LRRIQ4: variants seen among roughly 807,000 people sequenced by gnomAD.
LRRIQ4 encodes the protein leucine-rich repeat and IQ domain-containing protein 4.
Under a neutral mutation model 40.1 loss-of-function variants are expected in LRRIQ4, and 21 were observed. The ratio of observed to expected loss-of-function variants is 0.52; its 90% CI spans 0.37 to 0.75. LRRIQ4 has a LOEUF of 0.75. Among genes scored for constraint, LRRIQ4 ranks in the 30% least tolerant of loss-of-function variants. LRRIQ4 has a pLI of 0.00. For missense variants in LRRIQ4, 655 were observed against 660.0 expected (o/e 0.99, Z 0.08); for synonymous variants, 277 against 277.1 (o/e 1.00, Z 0.00).
Position 169,821,877 on chromosome 3 carries a change from T to C in LRRIQ4, c.-31-14T>C. 1 of 1,308,272 alleles carries C rather than the reference T, an allele frequency of 7.6e-7. No individual in the cohort carries two copies. Among genetic ancestry groups the C allele is most frequent in the East Asian group, 2.7e-5 (1 of 37,622 alleles). 81.0% of individuals were successfully genotyped at this position (1,308,272 alleles called of 1,614,324 possible). ...TAAATTCTATTTTTTTTCATCCTTT[T>C]CACAATATTTCAGATTTTGAATATT... On this transcript the variant is annotated splice_polypyrimidine_tract_variant and intron_variant, in intron 1 of 5. Transcript: ENST00000340806.
rs28582204 is a variant in LRRIQ4 at position 169,832,919 on chromosome 3, A to G, written c.1334-68A>G. 3.1e-3 allele frequency: 4,240 copies of G among 1,357,336 alleles called. 115 individuals are homozygous for G. The African/African-American group carries it at 0.055, about 18-fold the overall frequency. 84.1% of individuals were successfully genotyped at this position (1,357,336 alleles called of 1,614,324 possible). ...AATTGGATCCCTCACCTATGTGGAC[A>G]GGATTAGGTGACAAGTTAATATTGT... is the stretch of plus-strand genomic sequence containing the variant. On this transcript the variant is annotated intron_variant, in intron 4 of 5. Transcript: ENST00000340806.
In LRRIQ4 at chr3:169,837,772, A is replaced by G; in HGVS notation, c.*141A>G. ...AATAAATGATTCTTACTTTTACTGAAATATTTATGGATAAAATGATATAAC... is the reference window on the plus strand; with the variant it reads ...AATAAATGATTCTTACTTTTACTGAGATATTTATGGATAAAATGATATAAC... On this transcript the variant is annotated 3_prime_UTR_variant, in exon 6 of 6. Transcript: ENST00000340806. The G allele has an allele frequency of 1.3e-6, 1 of 745,786 alleles. No homozygotes were observed. Among genetic ancestry groups the G allele is most frequent in the South Asian group, 2.2e-5 (1 of 46,474 alleles). The allele number at this position is 745,786 out of a possible 1,614,324, so 46.2% of individuals were successfully genotyped here.
intron 1 of LRRIQ4, 58 bp from the exon 2 acceptor site, chr3:169,821,833 T>C (rs1336765538): frequency 1.2e-6 from 1 of 858,128 alleles, no homozygotes; most frequent in East Asian, 2.9e-5. Context: ...TTCTTAAGGA[T>C]AGCAAGTCTG....
chr3:169,824,445 C>T (rs12696308), intron 2 of LRRIQ4, among the ~76,000 whole-genome samples: 2,542 of 151,950 alleles, frequency 0.017, 72 homozygotes, highest in African/African-American at 0.058. Context: ...CAGTTGGGCA[C>T]GCGTGGGTTT....
chr3:169,837,105 T>C (rs1403428041), intron 5 of LRRIQ4, among the ~76,000 whole-genome samples: 2 of 152,154 alleles, frequency 1.3e-5, no homozygotes, highest in African/African-American at 4.8e-5. Context: ...GCGTAGGCAC[T>C]CAGATCCCCT....
chr3:169,836,958 ATGGGGAGCCAC>A (rs1373367966), intron 5 of LRRIQ4, among the ~76,000 whole-genome samples: 1 of 152,170 alleles, frequency 6.6e-6, no homozygotes, highest in Non-Finnish European at 1.5e-5. Flanking sequence ...TCAGAGAGAA[ATGGGGAGCCAC>A]TGGACAAGTC....
intron 4 of LRRIQ4, among the ~76,000 whole-genome samples, chr3:169,831,042 G>A (rs897792426): frequency 4.6e-5 from 7 of 152,016 alleles, no homozygotes; most frequent in African/African-American, 1.7e-4. Context: ...AAATTAGCAG[G>A]AGACTTTCTT....
chr3:169,827,606 CAAAAAAAAA>C (rs59524627), intron 2 of LRRIQ4, among the ~76,000 whole-genome samples: 6 of 77,524 alleles, frequency 7.7e-5, no homozygotes, highest in African/African-American at 2.2e-4. Flanking sequence ...GACTCCGTCT[CAAAAAAAAA>C]AAAAAAAAAA....
intron 1 of LRRIQ4, 42 bp from the exon 2 acceptor site, chr3:169,821,849 A>T: frequency 9.7e-7 from 1 of 1,034,000 alleles, no homozygotes; most frequent in Non-Finnish European, 1.3e-6. Flanking sequence ...GTCTGGTGGC[A>T]GGTAAATTCT....
intron 2 of LRRIQ4, among the ~76,000 whole-genome samples, chr3:169,827,556 G>C (rs9865611): frequency 0.016 from 2,274 of 141,288 alleles, 58 homozygotes; most frequent in African/African-American, 0.058. Flanking sequence ...GCAGTGAGCC[G>C]AGATCGCGCC....
Position 169,820,377 on chromosome 3 carries a change from T to G in LRRIQ4, c.-31-1514T>G, listed in dbSNP as rs376386299. Among the ~76,000 whole-genome samples, 489 of 152,162 alleles carry G rather than the reference T, an allele frequency of 3.2e-3. 3 individuals carry two copies. The highest frequency in any genetic ancestry group is 0.011 in the African/African-American group (439 of 41,500). On this transcript the variant is annotated intron_variant, in intron 1 of 5. Transcript: ENST00000340806. ...AGCCTAGTAGTGTAAGTCTGCTGAT[T>G]TTGTTTTCACTAAAGATTATCTTTA... is the stretch of plus-strand genomic sequence containing the variant.
rs143961702 is a variant in LRRIQ4 at position 169,817,739 on chromosome 3, G to C, written c.-31-4152G>C. 4.2e-3 allele frequency among the ~76,000 whole-genome samples: 640 copies of C among 152,070 alleles called. 4 individuals are homozygous for C. The highest frequency in any genetic ancestry group is 0.014 in the African/African-American group (590 of 41,454). Reference sequence around the variant, plus strand: ...TCGAAATCTATTTTGTCTGATATATGTATAGCTACTCCTGCTCTTTTTTGT... The same window carrying C: ...TCGAAATCTATTTTGTCTGATATATCTATAGCTACTCCTGCTCTTTTTTGT... On this transcript the variant is annotated intron_variant, in intron 1 of 5. Transcript: ENST00000340806.
At chr3:169,825,086 C>T (rs1780011554) in intron 2 of LRRIQ4, among the ~76,000 whole-genome samples, 1 of 150,634 alleles carries the variant, frequency 6.6e-6, no homozygotes. Context: ...CAGCTCACTG[C>T]AACCTCCACC....
intron 4 of LRRIQ4, among the ~76,000 whole-genome samples, chr3:169,831,261 CTT>C (rs869088396): frequency 4.2e-4 from 14 of 33,460 alleles, no homozygotes; most frequent in African/African-American, 1.0e-3. Flanking sequence ...TATGGCTATT[CTT>C]TTTTTTTTTT....
rs748623050 is a variant in LRRIQ4 at position 169,822,047 on chromosome 3, G to A, written c.126G>A (p.Leu42=). ...ASNQSLTAIP[L]EIFTFTELEE... ...ATCAGAGCTTGACTGCCATTCCTTT[G>A]GAGATCTTCACATTCACAGAATTAG... The change falls in exon 2 of 6, where the codon TTG becomes TTA. Residue 42 remains leucine, a synonymous_variant. Coordinates refer to ENST00000340806, the MANE Select transcript of LRRIQ4 (RefSeq NM_001080460.3). The A allele has an allele frequency of 1.2e-6, 2 of 1,604,790 alleles. No homozygotes were observed. The highest frequency in any genetic ancestry group is 2.2e-5 in the South Asian group (2 of 88,974).
At chr3:169,817,892 C>G (rs1779799801) in intron 1 of LRRIQ4, among the ~76,000 whole-genome samples, 1 of 152,148 alleles carries the variant, frequency 6.6e-6, no homozygotes, top group Admixed American at 6.5e-5. Context: ...ATCCATTTAG[C>G]ACCTCAAGAG....
rs560080060 is a variant in LRRIQ4, at chr3:169,822,631, C to T, written c.710C>T (p.Ser237Leu). 1.9e-6 allele frequency: 3 copies of T among 1,613,938 alleles called. No individual in the cohort carries two copies. Among genetic ancestry groups the T allele is most frequent in the East Asian group, 2.2e-5 (1 of 44,882 alleles). The change falls in exon 2 of 6, where the codon TCG (serine) becomes TTG (leucine). Residue 237 changes from serine (S) to leucine (L), a missense_variant. By Grantham distance (145) the Ser-to-Leu change is moderately radical. Transcript: ENST00000340806. ...PASLCQCSQL[S>L]VLDLSHNLLH... ...TCCTTGTGCCAGTGTAGCCAACTGTCGGTGCTCGATTTATCCCACAACCTC... is the reference window on the plus strand; with the variant it reads ...TCCTTGTGCCAGTGTAGCCAACTGTTGGTGCTCGATTTATCCCACAACCTC...
rs201065811 is a variant in LRRIQ4 at position 169,828,854 on chromosome 3, G to A, written c.1116G>A (p.Ala372=). Residue 372 remains alanine, a synonymous_variant, in exon 3 of 6, where the codon GCG becomes GCA. Transcript: ENST00000340806. ...LSFPEEVLSL[A]SLEKLYIGQD... ...TTCCGGAGGAAGTCCTTTCTTTAGC[G>A]TCTTTAGAGAAATTATACATTGGGC... The A allele has an allele frequency of 9.3e-6, 15 of 1,613,692 alleles. No individual in the cohort carries two copies. The highest frequency in any genetic ancestry group is 5.3e-5 in the African/African-American group (4 of 74,958).
rs897362993 is a variant in LRRIQ4, at chr3:169,812,878, A to G, written c.-200A>G. Reference sequence around the variant, plus strand: ...CGGCCTGCCGGGCCAGCGAAGAAGCAGAGTAGCATCAGCACATGATAAAGG... The same window carrying G: ...CGGCCTGCCGGGCCAGCGAAGAAGCGGAGTAGCATCAGCACATGATAAAGG... On this transcript the variant is annotated 5_prime_UTR_variant, in exon 1 of 6. Transcript: ENST00000340806. This position sits in a 1 kb window ranked among gnomAD's most constrained non-coding sequence, Gnocchi z 4.3. 3.1e-5 allele frequency: 10 copies of G among 317,934 alleles called. No homozygotes were observed. Among genetic ancestry groups the G allele is most frequent in the Middle Eastern group, 8.6e-4 (1 of 1,166 alleles). The allele number at this position is 317,934 out of a possible 1,614,324, so 19.7% of individuals were successfully genotyped here.
Sources: allele counts gnomAD v4.1 joint callset (sites outside exome capture counted in the v4.1 genomes callset), GRCh38; gene constraint gnomAD v4.1.1; non-coding constraint Gnocchi (gnomAD v3.1); transcripts MANE v1.5; gene names NCBI Gene and HGNC (gene_info 2026-07-23, HGNC 2026-07-21).